The following SGK3 variants were observed in gnomAD, a reference collection of about 807,000 sequenced individuals.
The protein encoded by SGK3 is serine/threonine-protein kinase Sgk3.
Under a neutral mutation model 68.5 loss-of-function variants are expected in SGK3, and 47 were observed. That is an observed-to-expected ratio of 0.69 (90% confidence interval 0.54 to 0.87). The LOEUF is 0.87. SGK3 is among the 40% of genes least tolerant of loss of function. The pLI, the probability that SGK3 is intolerant of heterozygous loss-of-function variation, is 0.00. For synonymous variants in SGK3, 181 were observed against 189.1 expected (o/e 0.96, Z 0.35); for missense variants, 479 against 575.5 (o/e 0.83, Z 1.72).
intron 16 of SGK3, among the ~76,000 whole-genome samples, chr8:66,855,239 G>T (rs909073825): frequency 6.6e-6 from 1 of 152,146 alleles, no homozygotes; most frequent in Non-Finnish European, 1.5e-5. Context: ...GTCTTGTTCT[G>T]TCGCCAAGGC....
At chr8:66,787,838 C>T (rs1282492847) in intron 1 of SGK3, among the ~76,000 whole-genome samples, 1 of 152,186 alleles carries the variant, frequency 6.6e-6, no homozygotes, top group Non-Finnish European at 1.5e-5. Context: ...CAATCTTGTT[C>T]TTTCCAAGTC....
intron 1 of SGK3, among the ~76,000 whole-genome samples, chr8:66,743,924 G>A (rs1025448817): frequency 6.6e-6 from 1 of 152,168 alleles, no homozygotes; most frequent in African/African-American, 2.4e-5. Flanking sequence ...CCATTTCCCT[G>A]CTGGAACCTT....
intron 10 of SGK3, 119 bp from the exon 11 acceptor site, chr8:66,839,884 A>G: frequency 1.1e-6 from 1 of 901,940 alleles, no homozygotes; most frequent in East Asian, 2.8e-5. Flanking sequence ...TTTTTAGCTC[A>G]CATTCAAAGT....
At chr8:66,773,877 G>C (rs905487633) in intron 1 of SGK3, among the ~76,000 whole-genome samples, 1 of 151,920 alleles carries the variant, frequency 6.6e-6, no homozygotes, top group African/African-American at 2.4e-5. Context: ...TCAGACTGTT[G>C]GTCAAAAAAA....
rs1810260542 is a variant in SGK3, at chr8:66,851,017, T to G, written c.1320+97T>G. On this transcript the variant is annotated intron_variant, in intron 16 of 16. Transcript: ENST00000521198. ...AGATCTCAGAATCACCTGAATTAAA[T>G]GGAGTCATTACCTAAATATTTGTGA... 3.9e-6 allele frequency: 5 copies of G among 1,279,940 alleles called. No homozygotes were observed. The East Asian group carries it at 1.3e-4, about 32-fold the overall frequency. The allele number at this position is 1,279,940 out of a possible 1,614,324, so 79.3% of individuals were successfully genotyped here.
chr8:66,823,212 T>G (rs1480952860), intron 6 of SGK3, among the ~76,000 whole-genome samples: 1 of 152,174 alleles, frequency 6.6e-6, no homozygotes, highest in Non-Finnish European at 1.5e-5. Flanking sequence ...CTATGTTGAA[T>G]TTTGGCCAAC....
intron 6 of SGK3, among the ~76,000 whole-genome samples, chr8:66,825,219 T>C: frequency 6.6e-6 from 1 of 152,094 alleles, no homozygotes; most frequent in South Asian, 2.1e-4. Context: ...CCATAGTGTC[T>C]GAAACTTCCA....
intron 1 of SGK3, among the ~76,000 whole-genome samples, chr8:66,753,784 A>G (rs1045627032): frequency 6.6e-6 from 1 of 152,120 alleles, no homozygotes; most frequent in Non-Finnish European, 1.5e-5. Context: ...GTGCCATTGC[A>G]CTCCAGCTTG....
chr8:66,832,871 CT>C (rs1457970864), intron 8 of SGK3, among the ~76,000 whole-genome samples: 1 of 151,126 alleles, frequency 6.6e-6, no homozygotes, highest in Non-Finnish European at 1.5e-5. Flanking sequence ...ACCAGCTGAT[CT>C]TATACAGTTT....
At chr8:66,846,353 T>G (rs960155910) in intron 14 of SGK3, among the ~76,000 whole-genome samples, 1 of 152,202 alleles carries the variant, frequency 6.6e-6, no homozygotes, top group African/African-American at 2.4e-5. Context: ...CTCACTCTGT[T>G]GCCCAGGCTG....
intron 1 of SGK3, among the ~76,000 whole-genome samples, chr8:66,723,383 G>T (rs1207299388): frequency 6.6e-6 from 1 of 151,536 alleles, no homozygotes; most frequent in East Asian, 2.0e-4. Context: ...GGCAGAGGTT[G>T]TGGTGAGCCA....
At chr8:66,797,401 G>A (rs367695261) in intron 2 of SGK3, among the ~76,000 whole-genome samples, 13 of 152,160 alleles carry the variant, frequency 8.5e-5, no homozygotes, top group African/African-American at 2.9e-4. Flanking sequence ...CCATGTGGGA[G>A]GTATCAAATT....
chr8:66,741,558 A>T (rs915299859), intron 1 of SGK3, among the ~76,000 whole-genome samples: 29 of 152,040 alleles, frequency 1.9e-4, no homozygotes, highest in Admixed American at 1.8e-3. Flanking sequence ...TCAAAAAATA[A>T]TAATAATAAT....
chr8:66,727,959 G>A (rs980961941), intron 1 of SGK3, among the ~76,000 whole-genome samples: 1 of 152,214 alleles, frequency 6.6e-6, no homozygotes, highest in African/African-American at 2.4e-5. Flanking sequence ...ATACACTAGA[G>A]TAATTTACAC....
intron 1 of SGK3, among the ~76,000 whole-genome samples, chr8:66,792,156 C>T (rs560402744): frequency 4.0e-4 from 61 of 152,002 alleles, no homozygotes; most frequent in Non-Finnish European, 6.9e-4. Context: ...ATGGAGAAAC[C>T]CCATCTCTAC....
At chr8:66,793,989 G>A (rs1312247474) in intron 2 of SGK3, among the ~76,000 whole-genome samples, 157 bp downstream of exon 2, 1 of 152,060 alleles carries the variant, frequency 6.6e-6, no homozygotes, top group Non-Finnish European at 1.5e-5. Context: ...AGTCTTCTGT[G>A]GCTACCGTAA....
intron 1 of SGK3, among the ~76,000 whole-genome samples, chr8:66,749,965 GTA>G (rs1053861641): frequency 2.5e-4 from 37 of 149,182 alleles, no homozygotes; most frequent in African/African-American, 8.7e-4. Context: ...GTGTGTGTGT[GTA>G]TGTGTGTAAA....
chr8:66,787,568 G>C (rs1019501417), intron 1 of SGK3, among the ~76,000 whole-genome samples: 3 of 152,094 alleles, frequency 2.0e-5, no homozygotes, highest in African/African-American at 7.2e-5. Flanking sequence ...TGAGGGGAAG[G>C]CCAAATTGTT....
chr8:66,851,091 CAGTAAGATTAT>C (rs1437014769), intron 16 of SGK3, among the ~76,000 whole-genome samples, 171 bp downstream of exon 16: 3 of 152,042 alleles, frequency 2.0e-5, no homozygotes, highest in African/African-American at 7.2e-5. Context: ...TCAGGGAGAC[CAGTAAGATTAT>C]AGTTAGATTA....
Sources: allele counts gnomAD v4.1 joint callset (sites outside exome capture counted in the v4.1 genomes callset), GRCh38; gene constraint gnomAD v4.1.1; transcripts MANE v1.5; gene names NCBI Gene and HGNC (gene_info 2026-07-23, HGNC 2026-07-21).